Variants in OPA3 observed in about 807,000 individuals in gnomAD.
OPA3 encodes the protein optic atrophy 3 protein.
OPA3 carries 6 observed loss-of-function variants against 4.0 expected under a neutral mutation model. The ratio of observed to expected loss-of-function variants is 1.51; its 90% confidence interval spans 0.83 to 2.99. The LOEUF (loss-of-function observed/expected upper bound fraction) is 2.99. Ranked by LOEUF, OPA3 falls within the 30% of genes most tolerant of loss-of-function variation. OPA3 has a pLI of 0.00. For missense variants in OPA3, 235 were observed against 256.2 expected (o/e 0.92, Z 0.56); for synonymous variants, 105 against 117.1 (o/e 0.90, Z 0.67).
intron 1 of OPA3, among the ~76,000 whole-genome samples, chr19:45,529,936 G>A (rs1017084085): frequency 6.6e-6 from 1 of 151,644 alleles, no homozygotes; most frequent in Non-Finnish European, 1.5e-5. Flanking sequence ...GGCTCCTTGC[G>A]TTGCCCAGGC....
intron 1 of OPA3, among the ~76,000 whole-genome samples, chr19:45,572,068 G>A (rs1042297807): frequency 6.8e-6 from 1 of 147,362 alleles, no homozygotes; most frequent in African/African-American, 2.5e-5. Context: ...GCTGGCTCTC[G>A]CTCATGGTGG....
Position 45,553,254 on chromosome 19 carries a change from G to A in OPA3, c.*260C>T, listed in dbSNP as rs1484189351. The A allele has an allele frequency of 7.7e-6, 11 of 1,419,544 alleles. No homozygotes were observed. In the Admixed American group the frequency reaches 3.2e-4, roughly 41 times the overall value. 87.9% of individuals were successfully genotyped at this position (1,419,544 alleles called of 1,614,324 possible). On this transcript the variant is annotated 3_prime_UTR_variant, in exon 2 of 2. Transcript: ENST00000263275. ...GCCAGAGTGCCCACGGTGTCCTGCTGGCTGGGACCTTGCAGGTCGTCCTGG... is the reference window on the plus strand; with the variant it reads ...GCCAGAGTGCCCACGGTGTCCTGCTAGCTGGGACCTTGCAGGTCGTCCTGG...
intron 1 of OPA3, among the ~76,000 whole-genome samples, chr19:45,582,127 C>T (rs183121766): frequency 6.6e-6 from 1 of 151,900 alleles, no homozygotes; most frequent in African/African-American, 2.4e-5. Flanking sequence ...AAATCAGTCT[C>T]CCTGAGCATT....
At chr19:45,529,703 CAGA>C (rs1325024219) in intron 1 of OPA3, among the ~76,000 whole-genome samples, 3 of 152,184 alleles carry the variant, frequency 2.0e-5, no homozygotes, top group African/African-American at 4.8e-5. Flanking sequence ...GTTATAAACA[CAGA>C]AGATGCTGAT....
intron 1 of OPA3, among the ~76,000 whole-genome samples, chr19:45,579,647 G>C (rs1969817857): frequency 6.6e-6 from 1 of 152,070 alleles, no homozygotes; most frequent in Non-Finnish European, 1.5e-5. Context: ...CCCTATGCCA[G>C]GCACTGACTT....
At chr19:45,567,099 G>A (rs552176377) in intron 1 of OPA3, among the ~76,000 whole-genome samples, 1 of 151,998 alleles carries the variant, frequency 6.6e-6, no homozygotes, top group African/African-American at 2.4e-5. Context: ...CAGCACTTTG[G>A]GAGGCCAAGC....
chr19:45,572,852 T>A (rs1328394251), intron 1 of OPA3, among the ~76,000 whole-genome samples: 1 of 147,840 alleles, frequency 6.8e-6, no homozygotes, highest in African/African-American at 2.5e-5. Flanking sequence ...TATATATATT[T>A]TTTTTTTACT....
chr19:45,529,249 A>C (rs1481272922), exon 2 of OPA3: 3 of 1,613,528 alleles, frequency 1.9e-6, no homozygotes, highest in Non-Finnish European at 2.5e-6. Context: ...CTCCCTGGCA[A>C]CACGTCGCTC....
In OPA3 at chr19:45,553,917, G is replaced by C. The variant is rs760030315; in HGVS notation, c.143-6C>G. The stretch of plus-strand genomic sequence containing the variant: ...CATCTCCACCCAGTGATACACTGCG[G>C]GGGAAGAGAGGGGTCAGGCTGCGCT... On this transcript the variant is annotated splice_polypyrimidine_tract_variant and splice_region_variant and intron_variant, in intron 1 of 1. Transcript: ENST00000263275. The C allele has an allele frequency of 1.3e-6, 2 of 1,599,396 alleles. No individual in the cohort carries two copies. The highest frequency in any genetic ancestry group is 1.7e-6 in the Non-Finnish European group (2 of 1,169,062).
rs190523605 is a variant in OPA3 at position 45,536,272 on chromosome 19, G to A, written c.143-6816C>T. Among the ~76,000 whole-genome samples the A allele has an allele frequency of 8.0e-5, 12 of 150,600 alleles. No individual in the cohort carries two copies. The South Asian group carries it at 1.0e-3, about 13-fold the overall frequency. Reference sequence around the variant, plus strand: ...AAAAAAAAAAATGTGGGCCGGGCACGGTGGCTCATGCCTGTAATCCCAGCA... The same window carrying A: ...AAAAAAAAAAATGTGGGCCGGGCACAGTGGCTCATGCCTGTAATCCCAGCA... On this transcript the variant is annotated intron_variant, in intron 1 of 1. Coordinates refer to the OPA3 transcript ENST00000323060.
At chr19:45,568,439 C>T (rs1969614551) in intron 1 of OPA3, among the ~76,000 whole-genome samples, 1 of 152,140 alleles carries the variant, frequency 6.6e-6, no homozygotes, top group Non-Finnish European at 1.5e-5. Context: ...ATCCGCCCAC[C>T]TCGGCCTCCC....
intron 1 of OPA3, among the ~76,000 whole-genome samples, chr19:45,576,919 T>C (rs948039903): frequency 1.3e-5 from 2 of 152,184 alleles, no homozygotes; most frequent in African/African-American, 4.8e-5. Flanking sequence ...GTGGACATCT[T>C]TGGGGGACCA....
chr19:45,564,242 T>A lies in OPA3; in HGVS notation c.143-10331A>T, dbSNP rs141093392. 8.9e-3 allele frequency among the ~76,000 whole-genome samples: 1,355 copies of A among 151,518 alleles called. 19 individuals carry two copies. The highest frequency in any genetic ancestry group is 0.028 in the African/African-American group (1,164 of 41,180). On this transcript the variant is annotated intron_variant, in intron 1 of 1. Transcript: ENST00000263275. Reference sequence around the variant, plus strand: ...ATGCAAGCCTTGAGGCGGGAGCAGATGGCTGAGAGGTAACTGAGCCAGCAG... The same window carrying A: ...ATGCAAGCCTTGAGGCGGGAGCAGAAGGCTGAGAGGTAACTGAGCCAGCAG...
intron 1 of OPA3, among the ~76,000 whole-genome samples, chr19:45,533,339 C>A (rs1250398687): frequency 6.6e-6 from 1 of 152,046 alleles, no homozygotes; most frequent in African/African-American, 2.4e-5. Flanking sequence ...GGACTACAGG[C>A]ATTTGCCACT....
chr19:45,549,200 G>T lies in OPA3; in HGVS notation c.*4314C>A. 1 of 985,396 alleles carries T rather than the reference G, an allele frequency of 1.0e-6. No homozygotes were observed. Among genetic ancestry groups the T allele is most frequent in the Middle Eastern group, 5.2e-4 (1 of 1,914 alleles). The allele number at this position is 985,396 out of a possible 1,614,324, so 61.0% of individuals were successfully genotyped here. The stretch of plus-strand genomic sequence containing the variant: ...TCTAACCCCTCTCCCCAAATTACAA[G>T]GTACACAGAATTCTAGCTAGCAGAA... On this transcript the variant is annotated 3_prime_UTR_variant, in exon 2 of 2. Coordinates refer to ENST00000263275, the MANE Select transcript of OPA3 (RefSeq NM_025136.4).
Position 45,551,690 on chromosome 19 carries a change from T to C in OPA3, c.*1824A>G. Reference sequence around the variant, plus strand: ...ATCTGTTATGGCAGTCCAAGGAAATTAATCAAGCAGTTAAGGCCAACTGCT... The same window carrying C: ...ATCTGTTATGGCAGTCCAAGGAAATCAATCAAGCAGTTAAGGCCAACTGCT... On this transcript the variant is annotated 3_prime_UTR_variant, in exon 2 of 2. Transcript: ENST00000263275. 4.1e-6 allele frequency: 4 copies of C among 984,746 alleles called. No homozygotes were observed. Among genetic ancestry groups the C allele is most frequent in the Non-Finnish European group, 4.8e-6 (4 of 829,344 alleles). The allele number at this position is 984,746 out of a possible 1,614,324, so 61.0% of individuals were successfully genotyped here. A position where few individuals can be genotyped will look rare whatever the true frequency, so the allele number is the denominator to read the frequency against.
downstream of OPA3, among the ~76,000 whole-genome samples, chr19:45,545,312 T>C (rs1443180512): frequency 6.6e-6 from 1 of 151,024 alleles, no homozygotes; most frequent in Non-Finnish European, 1.5e-5. Flanking sequence ...GTGGATGGCA[T>C]GAGCCCAGGA....
At chr19:45,584,399 T>G in intron 1 of OPA3, 1 of 985,372 alleles carries the variant, frequency 1.0e-6, no homozygotes, top group Non-Finnish European at 1.2e-6. Context: ...TCGGCTGGCA[T>G]TTCCTACTCG....
At chr19:45,538,868 T>C (rs1969151696) in intron 1 of OPA3, among the ~76,000 whole-genome samples, 1 of 152,226 alleles carries the variant, frequency 6.6e-6, no homozygotes, top group Non-Finnish European at 1.5e-5. Context: ...GTTTCTGTAT[T>C]AGTCAGTTTT....
Sources: allele counts gnomAD v4.1 joint callset (sites outside exome capture counted in the v4.1 genomes callset), GRCh38; gene constraint gnomAD v4.1.1; transcripts MANE v1.5; gene names NCBI Gene and HGNC (gene_info 2026-07-23, HGNC 2026-07-21).